Variants in ORC4 observed in about 807,000 individuals in gnomAD.
ORC4 encodes the protein origin recognition complex subunit 4.
A neutral mutation model predicts 63.9 loss-of-function variants in ORC4; 55 were observed. The observed-to-expected ratio is 0.86, with a 90% confidence interval of 0.69 to 1.08. The LOEUF is 1.08. Ranked by LOEUF, ORC4 falls within the 50% of genes least tolerant of loss-of-function variation. The pLI, the probability that ORC4 is intolerant of heterozygous loss-of-function variation, is 0.00. For missense variants in ORC4, 511 were observed against 504.4 expected, an observed-to-expected ratio of 1.01 and a Z score of -0.13; for synonymous variants, 150 against 168.5, an observed-to-expected ratio of 0.89 and a Z score of 0.85.
At chr2:147,985,266 G>A (rs17225284) in intron 1 of ORC4, among the ~76,000 whole-genome samples, 2,970 of 151,936 alleles carry the variant, frequency 0.02, 46 homozygotes, top group African/African-American at 0.045. Context: ...GCGCTATCTC[G>A]GCTCACTGCA....
intron 1 of ORC4, among the ~76,000 whole-genome samples, chr2:147,989,523 T>C (rs996151772): frequency 1.1e-4 from 16 of 152,218 alleles, no homozygotes; most frequent in African/African-American, 3.6e-4. Context: ...CTGGCCAACA[T>C]GGTGAAACTC....
At chr2:147,975,506 G>GA (rs36022428) in intron 2 of ORC4, among the ~76,000 whole-genome samples, 3 of 143,762 alleles carry the variant, frequency 2.1e-5, no homozygotes, top group Non-Finnish European at 4.5e-5. Flanking sequence ...CAAGAAAAGG[G>GA]AAAAAAAAAA....
intron 9 of ORC4, among the ~76,000 whole-genome samples, chr2:147,947,372 TTCC>T: frequency 6.6e-6 from 1 of 152,188 alleles, no homozygotes; most frequent in South Asian, 2.1e-4. Flanking sequence ...ATATGCATAC[TTCC>T]TCCTTTCTCT....
intron 1 of ORC4, among the ~76,000 whole-genome samples, chr2:148,001,230 G>A (rs1307372782): frequency 6.6e-6 from 1 of 152,084 alleles, no homozygotes; most frequent in Non-Finnish European, 1.5e-5. Flanking sequence ...ATAAGCTATG[G>A]AGAAGCAGTT....
rs1262753649 is a variant in ORC4, at chr2:147,960,076, T to G, written c.226-1210A>C. Among the ~76,000 whole-genome samples the G allele has an allele frequency of 2.6e-5, 4 of 152,212 alleles. No homozygotes were observed. The South Asian group carries it at 8.3e-4, about 31-fold the overall frequency. On this transcript the variant is annotated intron_variant, in intron 4 of 13. Transcript: ENST00000392857. ...TTTGCTTAATATATTTTTTCCTAGG[T>G]TATGATTTTGTTTTAATTCATACAA...
intron 8 of ORC4, among the ~76,000 whole-genome samples, chr2:147,950,862 C>T (rs1688920957): frequency 6.6e-6 from 1 of 151,802 alleles, no homozygotes; most frequent in Non-Finnish European, 1.5e-5. Flanking sequence ...TCTGATAACA[C>T]TGCTAAGAAG....
intron 1 of ORC4, among the ~76,000 whole-genome samples, chr2:147,996,019 A>C (rs1691948995): frequency 6.6e-6 from 1 of 151,908 alleles, no homozygotes; most frequent in African/African-American, 2.4e-5. Context: ...AAAAACAAAA[A>C]ACAGGCCAGG....
At chr2:147,944,341 GA>G (rs1279619749) in intron 9 of ORC4, among the ~76,000 whole-genome samples, 1 of 152,054 alleles carries the variant, frequency 6.6e-6, no homozygotes, top group Non-Finnish European at 1.5e-5. Flanking sequence ...AAGAAATTAA[GA>G]AAGATACCAA....
chr2:147,973,465 T>C lies in ORC4; in HGVS notation c.117A>G (p.Gly39=). Residue 39 remains glycine (G), a synonymous_variant, in exon 3 of 14, where the codon GGA becomes GGG. Coordinates refer to ENST00000392857, the MANE Select transcript of ORC4 (RefSeq NM_181741.4). ...AGACTTACTTGTATTGTACTTGCACTCCAAATAGGTTACTATGTGGACTCT... is the reference window on the plus strand; with the variant it reads ...AGACTTACTTGTATTGTACTTGCACCCCAAATAGGTTACTATGTGGACTCT... ...CRQSPHSNLF[G]VQVQYKHLSE... 1 of 1,605,074 alleles carries C rather than the reference T, an allele frequency of 6.2e-7. No individual in the cohort carries two copies. Among genetic ancestry groups the C allele is most frequent in the African/African-American group, 1.3e-5 (1 of 74,830 alleles).
chr2:147,981,392 G>T (rs1690881990), intron 1 of ORC4, among the ~76,000 whole-genome samples: 1 of 152,160 alleles, frequency 6.6e-6, no homozygotes, highest in Non-Finnish European at 1.5e-5. Flanking sequence ...ACTCAGAGTG[G>T]CATGCAATTT....
At position 147,943,529 on chromosome 2, in the gene ORC4, G is replaced by T; in HGVS notation, c.763-7C>A. The T allele has an allele frequency of 8.6e-7, 1 of 1,167,700 alleles. No individual in the cohort carries two copies. The highest frequency in any genetic ancestry group is 1.2e-6 in the Non-Finnish European group (1 of 859,990). 72.3% of individuals were successfully genotyped at this position (1,167,700 alleles called of 1,614,324 possible). ...TTCTATCTTCTGAGAGATACTAAAA[G>T]GAAAAAAAAAAAAAAAGCCAAAATT... On this transcript the variant is annotated splice_polypyrimidine_tract_variant and splice_region_variant and intron_variant, in intron 9 of 13. Transcript: ENST00000392857.
Position 147,958,814 on chromosome 2 carries a change from T to C in ORC4, c.278A>G (p.Asn93Ser), listed in dbSNP as rs994858445. The C allele has an allele frequency of 3.4e-6, 5 of 1,463,722 alleles. No individual in the cohort carries two copies. The highest frequency in any genetic ancestry group is 1.7e-4 in the Middle Eastern group (1 of 5,756). The allele number at this position is 1,463,722 out of a possible 1,614,324, so 90.7% of individuals were successfully genotyped here. A position where few individuals can be genotyped will look rare whatever the true frequency, so the allele number is the denominator to read the frequency against. Residue 93 changes from asparagine to serine, a missense_variant, in exon 5 of 14, where the codon AAT becomes AGT. Asn to Ser is a conservative substitution (Grantham distance 46, BLOSUM62 1). Transcript: ENST00000392857. ...ELMEIEEVSE[N>S]VLQVHLNGLL... is the part of the protein sequence containing the mutation. ...ACCATTTAAGTGAACTTGTAATACATTTTCACTCACTTCTTCTATTTCCAT... is the reference window on the plus strand; with the variant it reads ...ACCATTTAAGTGAACTTGTAATACACTTTCACTCACTTCTTCTATTTCCAT...
chr2:147,992,792 T>C (rs1691701229), intron 1 of ORC4, among the ~76,000 whole-genome samples: 1 of 152,138 alleles, frequency 6.6e-6, no homozygotes, highest in South Asian at 2.1e-4. Context: ...TGGCCTCTCA[T>C]TCTCCTGAGG....
chr2:147,946,204 A>C (rs768673813), intron 9 of ORC4, among the ~76,000 whole-genome samples: 1 of 152,058 alleles, frequency 6.6e-6, no homozygotes, highest in Non-Finnish European at 1.5e-5. Context: ...CTCAGAATGC[A>C]ACACAGTTGG....
rs1431762954 is a variant in ORC4 at position 147,933,752 on chromosome 2, A to G, written c.*1758T>C. 1 of 152,146 alleles carries G rather than the reference A, an allele frequency of 6.6e-6. No individual in the cohort carries two copies. Among genetic ancestry groups the G allele is most frequent in the Non-Finnish European group, 1.5e-5 (1 of 68,018 alleles). The allele number at this position is 152,146 out of a possible 1,614,324, so 9.4% of individuals were successfully genotyped here. The stretch of plus-strand genomic sequence containing the variant: ...AGTGTAAAATTCTTGCTTCTAGTAT[A>G]TAATAGTGATGTTACCATGTCAAGT... On this transcript the variant is annotated 3_prime_UTR_variant, in exon 14 of 14. Transcript: ENST00000392857.
upstream of ORC4, chr2:148,021,492 GCTGCTACTGCTGCTGCTGCTA>G (rs1693726097): frequency 6.9e-6 from 4 of 576,210 alleles, 1 homozygote; most frequent in African/African-American, 5.7e-5. Context: ...TGCTGCTGCT[GCTGCTACTGCTGCTGCTGCTA>G]CTGCTGCTGC....
intron 1 of ORC4, among the ~76,000 whole-genome samples, chr2:148,011,359 TGAA>T (rs1692956800): frequency 6.6e-6 from 1 of 152,324 alleles, no homozygotes; most frequent in Admixed American, 6.5e-5. Context: ...ATCAACAGAA[TGAA>T]GGACACAAAG....
Position 147,958,320 on chromosome 2 carries a change from T to G in ORC4, c.365A>C (p.Asn122Thr), listed in dbSNP as rs1224811968. 1 of 1,610,944 alleles carries G rather than the reference T, an allele frequency of 6.2e-7. No individual in the cohort carries two copies. The highest frequency in any genetic ancestry group is 1.7e-5 in the Admixed American group (1 of 59,962). The change falls in exon 6 of 14, where the codon AAT becomes ACT. Residue 122 changes from asparagine to threonine, a missense_variant. Coordinates refer to ENST00000392857, the MANE Select transcript of ORC4 (RefSeq NM_181741.4). ...KEITRQLNLENVVGDKVFGSF... is the reference protein window; with the variant it reads ...KEITRQLNLETVVGDKVFGSF... ...TACAAAAACTTTATCTCCAACTACA[T>G]TTTCCAGATTTAACTGCCTTGTGAT...
chr2:147,941,144 G>A (rs1426216250), intron 10 of ORC4, among the ~76,000 whole-genome samples: 1 of 151,844 alleles, frequency 6.6e-6, no homozygotes, highest in Non-Finnish European at 1.5e-5. Context: ...TCACTGTGAG[G>A]TTTTACCCAT....
Sources: allele counts gnomAD v4.1 joint callset (sites outside exome capture counted in the v4.1 genomes callset), GRCh38; gene constraint gnomAD v4.1.1; transcripts MANE v1.5; gene names NCBI Gene and HGNC (gene_info 2026-07-23, HGNC 2026-07-21).